Variants in SYT16 observed in about 807,000 individuals in gnomAD.
SYT16 encodes synaptotagmin 16, also known as synaptotagmin-16.
In SYT16, 42 loss-of-function variants were observed where a neutral mutation model predicts 61.4. The ratio of observed to expected loss-of-function variants is 0.68; its 90% CI spans 0.53 to 0.89. The LOEUF (loss-of-function observed/expected upper bound fraction) is 0.89. Among genes scored for constraint, SYT16 ranks in the 40% least tolerant of loss-of-function variants. The probability of loss-of-function intolerance (pLI) is 0.00; values close to 1 mark genes in which losing one functional copy is unlikely to be tolerated. For synonymous variants in SYT16, 314 were observed against 302.3 expected (o/e 1.04, Z -0.40); for missense variants, 804 against 807.3 (o/e 1.00, Z 0.05).
intron 2 of SYT16, among the ~76,000 whole-genome samples, chr14:61,983,895 A>G (rs1398348681): frequency 6.6e-6 from 1 of 152,308 alleles, no homozygotes; most frequent in East Asian, 1.9e-4. Context: ...GTTTTTCCCC[A>G]GTAAGCATTG....
chr14:61,921,261 G>A (rs1566681742), intron 1 of SYT16, among the ~76,000 whole-genome samples: 2 of 152,148 alleles, frequency 1.3e-5, no homozygotes, highest in African/African-American at 2.4e-5. Context: ...TCCTGCAGCA[G>A]TGGGTTCTTT....
intron 1 of SYT16, among the ~76,000 whole-genome samples, chr14:61,851,155 G>A (rs2046604727): frequency 6.6e-6 from 1 of 152,110 alleles, no homozygotes; most frequent in Non-Finnish European, 1.5e-5. Context: ...GTGAGAACAT[G>A]TGGTGTTTGG....
intron 1 of SYT16, among the ~76,000 whole-genome samples, chr14:61,967,863 T>C (rs1427133372): frequency 6.6e-6 from 1 of 152,172 alleles, no homozygotes. Context: ...TTCAGAATGA[T>C]TGTTCTGGCT....
At chr14:61,930,375 T>A (rs1020253353) in intron 1 of SYT16, among the ~76,000 whole-genome samples, 1 of 151,928 alleles carries the variant, frequency 6.6e-6, no homozygotes, top group African/African-American at 2.4e-5. Context: ...TTGCATGTGT[T>A]CCCGGTCTCT....
intron 1 of SYT16, among the ~76,000 whole-genome samples, chr14:61,932,590 C>T (rs2049817471): frequency 6.6e-6 from 1 of 152,198 alleles, no homozygotes; most frequent in African/African-American, 2.4e-5. Flanking sequence ...ATGATCAAAT[C>T]ACTTCCTACC....
At chr14:62,023,291 C>T (rs1351222649) in intron 3 of SYT16, among the ~76,000 whole-genome samples, 1 of 152,146 alleles carries the variant, frequency 6.6e-6, no homozygotes, top group Non-Finnish European at 1.5e-5. Context: ...TATTGCTAAC[C>T]TGCAGTGCCT....
chr14:61,957,648 T>A (rs1484327183), intron 1 of SYT16, among the ~76,000 whole-genome samples: 3 of 150,974 alleles, frequency 2.0e-5, no homozygotes, highest in Non-Finnish European at 2.9e-5. Context: ...ATCACAGGGA[T>A]AAATCTCAGT....
At chr14:61,863,834 T>C (rs918710197) in intron 1 of SYT16, among the ~76,000 whole-genome samples, 1 of 152,184 alleles carries the variant, frequency 6.6e-6, no homozygotes, top group African/African-American at 2.4e-5. Context: ...TGCATATCAA[T>C]GCCCAGTTGT....
At chr14:61,877,778 G>A (rs140367829) in intron 1 of SYT16, among the ~76,000 whole-genome samples, 34 of 152,250 alleles carry the variant, frequency 2.2e-4, no homozygotes, top group Admixed American at 1.0e-3. Flanking sequence ...CTTCAGTTTG[G>A]GTGGGAACGT....
At chr14:62,042,599 G>A (rs1266016867) in intron 3 of SYT16, among the ~76,000 whole-genome samples, 1 of 152,122 alleles carries the variant, frequency 6.6e-6, no homozygotes, top group Non-Finnish European at 1.5e-5. Flanking sequence ...TGAGCCCTGG[G>A]TACTGTTCCT....
chr14:61,972,682 A>G (rs1240107251), intron 2 of SYT16, among the ~76,000 whole-genome samples: 1 of 152,208 alleles, frequency 6.6e-6, no homozygotes, highest in African/African-American at 2.4e-5. Flanking sequence ...TCCTCAGAGT[A>G]CTGATTTCTC....
At chr14:62,027,378 T>G (rs562134929) in intron 3 of SYT16, among the ~76,000 whole-genome samples, 17 of 152,276 alleles carry the variant, frequency 1.1e-4, no homozygotes, top group African/African-American at 4.1e-4. Context: ...AGAAGAGAGA[T>G]GGAGAGGAAC....
intron 1 of SYT16, among the ~76,000 whole-genome samples, chr14:61,931,352 TTC>T (rs2049758073): frequency 6.6e-6 from 1 of 152,222 alleles, no homozygotes; most frequent in African/African-American, 2.4e-5. Context: ...CATATATTCT[TTC>T]TCTTATTTTC....
intron 1 of SYT16, among the ~76,000 whole-genome samples, chr14:61,857,231 G>A (rs2046803266): frequency 1.3e-5 from 2 of 152,226 alleles, no homozygotes; most frequent in Non-Finnish European, 2.9e-5. Flanking sequence ...GCTGGGACAT[G>A]TGTCTGGTCC....
intron 7 of SYT16, among the ~76,000 whole-genome samples, chr14:62,087,918 G>A (rs1384947143): frequency 1.2e-4 from 19 of 152,060 alleles, no homozygotes; most frequent in Non-Finnish European, 2.6e-4. Flanking sequence ...AGTCTCTGCC[G>A]GCTCCAACCA....
chr14:61,938,136 G>A (rs752610102), intron 1 of SYT16, among the ~76,000 whole-genome samples: 5 of 151,638 alleles, frequency 3.3e-5, no homozygotes, highest in East Asian at 1.9e-4. Flanking sequence ...ATTAATTACC[G>A]AAGGATAAAG....
intron 1 of SYT16, among the ~76,000 whole-genome samples, chr14:61,854,660 C>T (rs146291626): frequency 9.2e-4 from 140 of 152,284 alleles, no homozygotes; most frequent in Admixed American, 1.4e-3. Flanking sequence ...ACTCCTTTGA[C>T]CAATTTAGCA....
At chr14:61,947,854 T>C (rs546690557) in intron 1 of SYT16, among the ~76,000 whole-genome samples, 1 of 152,312 alleles carries the variant, frequency 6.6e-6, no homozygotes, top group East Asian at 1.9e-4. Flanking sequence ...GGATAGGCTT[T>C]GTAGAGGCGT....
intron 1 of SYT16, chr14:61,864,749 T>G (rs1594783457): frequency 1.0e-6 from 1 of 981,118 alleles, no homozygotes; most frequent in Non-Finnish European, 1.5e-6. Flanking sequence ...CGCTACCTGG[T>G]TAATGACGCA....
Sources: allele counts gnomAD v4.1 joint callset (sites outside exome capture counted in the v4.1 genomes callset), GRCh38; gene constraint gnomAD v4.1.1; transcripts MANE v1.5; gene names NCBI Gene and HGNC (gene_info 2026-07-23, HGNC 2026-07-21).